Variants in MAP2K4 observed in about 807,000 individuals in gnomAD.
MAP2K4 encodes the protein dual specificity mitogen-activated protein kinase kinase 4.
A neutral mutation model predicts 48.5 loss-of-function variants in MAP2K4; 4 were observed. That is an observed-to-expected ratio of 0.08 (90% confidence interval 0.04 to 0.19). The LOEUF is 0.19. MAP2K4 is among the 10% of genes least tolerant of loss of function. MAP2K4 has a pLI of 1.00. For missense variants in MAP2K4, 258 were observed against 493.3 expected (o/e 0.52, Z 4.52); for synonymous variants, 166 against 173.1 (o/e 0.96, Z 0.32).
intron 2 of MAP2K4, among the ~76,000 whole-genome samples, chr17:12,063,889 TTGAA>T: frequency 6.7e-6 from 1 of 149,156 alleles, no homozygotes; most frequent in African/African-American, 2.5e-5. Context: ...AGAGAATTGC[TTGAA>T]TCTGGAAGGC....
In MAP2K4 at chr17:12,081,877, G is replaced by A. The variant is rs1971198907; in HGVS notation, c.393+347G>A. On this transcript the variant is annotated intron_variant, in intron 3 of 10. Transcript: ENST00000353533. The surrounding 1 kb of genome is among the most constrained non-coding windows in gnomAD (Gnocchi z 4.2). ...GCTGCACTGAGCCAGGCGGGAGCTG[G>A]AAGAAGACGCAGCACACTGGGTTGG... 1.8e-6 allele frequency: 1 copy of A among 540,566 alleles called. No homozygotes were observed. Among genetic ancestry groups the A allele is most frequent in the East Asian group, 5.1e-5 (1 of 19,686 alleles). The allele number at this position is 540,566 out of a possible 1,614,324, so 33.5% of individuals were successfully genotyped here.
intron 7 of MAP2K4, among the ~76,000 whole-genome samples, chr17:12,118,266 C>T (rs892712284): frequency 1.4e-4 from 21 of 152,252 alleles, no homozygotes; most frequent in Admixed American, 3.9e-4. Context: ...AAAGACACTA[C>T]AGCTGATGAG....
chr17:12,102,338 G>A (rs1042595707), intron 4 of MAP2K4, among the ~76,000 whole-genome samples: 3 of 151,990 alleles, frequency 2.0e-5, no homozygotes, highest in Admixed American at 6.6e-5. Context: ...ATTAAACATA[G>A]CTTTTATTTC....
intron 2 of MAP2K4, among the ~76,000 whole-genome samples, chr17:12,061,107 A>G (rs550001777): frequency 6.6e-6 from 1 of 152,170 alleles, no homozygotes. Flanking sequence ...ATTCAAAATA[A>G]TGTCTTCAAG....
At chr17:12,135,507 CAGTGGCGTGA>C (rs1973176326) in intron 9 of MAP2K4, among the ~76,000 whole-genome samples, 1 of 152,230 alleles carries the variant, frequency 6.6e-6, no homozygotes, top group African/African-American at 2.4e-5. Flanking sequence ...ATTGGGATTA[CAGTGGCGTGA>C]GCCACTGTAC....
chr17:12,027,358 A>G (rs890070315), intron 1 of MAP2K4, among the ~76,000 whole-genome samples: 2 of 152,168 alleles, frequency 1.3e-5, no homozygotes, highest in African/African-American at 2.4e-5. Context: ...CCACGGAGAA[A>G]GAGGATTAAA....
At chr17:12,131,940 G>A (rs1042635998) in intron 9 of MAP2K4, among the ~76,000 whole-genome samples, 4 of 152,286 alleles carry the variant, frequency 2.6e-5, no homozygotes, top group African/African-American at 9.6e-5. Flanking sequence ...GCACTTTAAA[G>A]ATGATATTCA....
At chr17:12,115,381 A>G (rs919192401) in intron 7 of MAP2K4, among the ~76,000 whole-genome samples, 4 of 152,190 alleles carry the variant, frequency 2.6e-5, no homozygotes, top group African/African-American at 7.2e-5. Flanking sequence ...CACATAGGCT[A>G]TATGGTACAG....
intron 1 of MAP2K4, among the ~76,000 whole-genome samples, chr17:12,037,352 C>CA (rs1969633648): frequency 6.6e-6 from 1 of 152,074 alleles, no homozygotes; most frequent in Admixed American, 6.5e-5. Context: ...TAAGAAGTGT[C>CA]TGTAAATGAT....
intron 2 of MAP2K4, among the ~76,000 whole-genome samples, chr17:12,069,191 A>G (rs1392937140): frequency 1.3e-5 from 2 of 152,204 alleles, no homozygotes; most frequent in Non-Finnish European, 2.9e-5. Flanking sequence ...CTCCTGAGAT[A>G]CACTTTAAAC....
chr17:12,088,360 G>T (rs1272678318), intron 3 of MAP2K4, among the ~76,000 whole-genome samples: 8 of 147,886 alleles, frequency 5.4e-5, no homozygotes, highest in Non-Finnish European at 1.2e-4. Context: ...GGTGTTTGTA[G>T]ATCACAGAAA....
At chr17:12,140,595 A>C (rs1461380589) in intron 10 of MAP2K4, among the ~76,000 whole-genome samples, 3 of 152,194 alleles carry the variant, frequency 2.0e-5, no homozygotes, top group Non-Finnish European at 2.9e-5. Flanking sequence ...AGTACAGGGA[A>C]GAAGCTCCTG....
intron 1 of MAP2K4, among the ~76,000 whole-genome samples, chr17:12,049,611 T>C (rs1304535198): frequency 1.3e-5 from 2 of 152,190 alleles, no homozygotes; most frequent in African/African-American, 4.8e-5. Context: ...TCAAGGAGAA[T>C]AGACTGAGCT....
intron 1 of MAP2K4, among the ~76,000 whole-genome samples, chr17:12,026,589 G>C (rs189178333): frequency 6.6e-6 from 1 of 152,242 alleles, no homozygotes; most frequent in South Asian, 2.1e-4. Context: ...TATTTGTTCC[G>C]GAAGAGGTAG....
chr17:12,040,130 A>C (rs939267732), intron 1 of MAP2K4, among the ~76,000 whole-genome samples: 2 of 152,196 alleles, frequency 1.3e-5, no homozygotes, highest in African/African-American at 4.8e-5. Flanking sequence ...TGATCCATAT[A>C]GTGTAAAGTT....
intron 1 of MAP2K4, among the ~76,000 whole-genome samples, chr17:12,027,167 T>TTAATGG (rs756229385): frequency 6.6e-6 from 1 of 152,128 alleles, no homozygotes; most frequent in Admixed American, 6.5e-5. Context: ...GGTTGGGAGT[T>TTAATGG]TAATGTGTAC....
chr17:12,125,284 T>G lies in MAP2K4; in HGVS notation c.814-10T>G, dbSNP rs1199752988. On this transcript the variant is annotated splice_polypyrimidine_tract_variant and intron_variant, in intron 7 of 10. Coordinates refer to ENST00000353533, the MANE Select transcript of MAP2K4 (RefSeq NM_003010.4). ...GCAATTAATAACTTACACTTGTCTT[T>G]ATGTTCCAGCCTGAAAGAATAGACC... The G allele has an allele frequency of 6.2e-7, 1 of 1,610,992 alleles. No homozygotes were observed. The highest frequency in any genetic ancestry group is 1.7e-5 in the Admixed American group (1 of 60,014).
chr17:12,086,025 T>G (rs1006219653), intron 3 of MAP2K4, among the ~76,000 whole-genome samples: 4 of 152,184 alleles, frequency 2.6e-5, no homozygotes, highest in African/African-American at 4.8e-5. Context: ...TCTTGCATGT[T>G]CTGAAAGCAC....
At chr17:12,110,293 G>A (rs1972261228) in intron 5 of MAP2K4, 82 bp from the exon 6 acceptor site, 2 of 920,868 alleles carry the variant, frequency 2.2e-6, no homozygotes, top group Non-Finnish European at 3.6e-6. Flanking sequence ...GGACTACACG[G>A]GATATTACTT....
Sources: gnomAD v4.1 joint callset for allele counts (sites outside exome capture counted in the v4.1 genomes callset) on GRCh38, gnomAD v4.1.1 for gene constraint, Gnocchi (gnomAD v3.1) non-coding constraint, MANE v1.5 for transcripts, NCBI Gene and HGNC (gene_info 2026-07-23, HGNC 2026-07-21) for gene names.